SLCO5A1: variants seen among roughly 807,000 people sequenced by gnomAD.
The protein encoded by SLCO5A1 is solute carrier organic anion transporter family member 5A1, also known as organic anion transporter polypeptide-related protein 4.
Under a neutral mutation model 65.1 loss-of-function variants are expected in SLCO5A1, and 39 were observed. The observed-to-expected ratio is 0.60, with a 90% CI of 0.46 to 0.78. The LOEUF is 0.78. SLCO5A1 is among the 30% of genes least tolerant of loss of function. The pLI is 0.00. For missense variants in SLCO5A1, 1,029 were observed against 1,069.4 expected, an observed-to-expected ratio of 0.96 and a Z score of 0.53; for synonymous variants, 438 against 415.7, an observed-to-expected ratio of 1.05 and a Z score of -0.65.
chr8:69,762,481 C>T (rs919334199), intron 2 of SLCO5A1, among the ~76,000 whole-genome samples: 9 of 151,886 alleles, frequency 5.9e-5, no homozygotes, highest in African/African-American at 1.2e-4. Context: ...CCACAGCACC[C>T]GGCCCTGTTT....
intron 5 of SLCO5A1, among the ~76,000 whole-genome samples, chr8:69,737,324 C>T (rs948342278): frequency 6.6e-6 from 1 of 152,142 alleles, no homozygotes; most frequent in Admixed American, 6.6e-5. Context: ...CTGAAATATA[C>T]CTTATTAAAT....
chr8:69,685,794 C>A (rs1320300712), intron 6 of SLCO5A1, among the ~76,000 whole-genome samples: 1 of 152,094 alleles, frequency 6.6e-6, no homozygotes, highest in East Asian at 1.9e-4. Context: ...GGGGAGACAG[C>A]AAAAGAGAAA....
intron 8 of SLCO5A1, among the ~76,000 whole-genome samples, chr8:69,678,869 T>C (rs1813651532): frequency 6.6e-6 from 1 of 151,842 alleles, no homozygotes; most frequent in Non-Finnish European, 1.5e-5. Flanking sequence ...TGAAATTTTA[T>C]ATGATAGTAA....
chr8:69,808,740 C>T (rs1820112027), intron 2 of SLCO5A1, among the ~76,000 whole-genome samples: 1 of 152,120 alleles, frequency 6.6e-6, no homozygotes, highest in South Asian at 2.1e-4. Flanking sequence ...TAAAGAATCG[C>T]CATGATGTGT....
chr8:69,758,982 C>G (rs1817642641), intron 3 of SLCO5A1, among the ~76,000 whole-genome samples: 1 of 152,186 alleles, frequency 6.6e-6, no homozygotes, highest in Non-Finnish European at 1.5e-5. Flanking sequence ...ATTGAACTCC[C>G]TGAGCATCAA....
At chr8:69,807,901 C>T (rs1820069275) in intron 2 of SLCO5A1, among the ~76,000 whole-genome samples, 1 of 152,094 alleles carries the variant, frequency 6.6e-6, no homozygotes, top group South Asian at 2.1e-4. Context: ...GACGGGGTTT[C>T]ACCATGTTAG....
intron 9 of SLCO5A1, among the ~76,000 whole-genome samples, chr8:69,674,381 G>A (rs62512217): frequency 0.1 from 15,588 of 152,214 alleles, 1,049 homozygotes; most frequent in Non-Finnish European, 0.15. Flanking sequence ...AGAGAGGATA[G>A]GCAGGCTGAT....
chr8:69,831,760 GTC>G lies in SLCO5A1; in HGVS notation c.907+5_907+6del, dbSNP rs777272511. On this transcript the variant is annotated splice_donor_5th_base_variant and intron_variant, in intron 2 of 9. Transcript: ENST00000260126. ...GAAACATATCTGAGAGAACAGGAAA[GTC>G]TTACCTAGGTACAAGGAGGAGTTTT... 6.2e-7 allele frequency: 1 copy of G among 1,611,272 alleles called. No individual in the cohort carries two copies. The highest frequency in any genetic ancestry group is 2.2e-5 in the East Asian group (1 of 44,862).
At chr8:69,677,529 A>G (rs79309432) in intron 8 of SLCO5A1, among the ~76,000 whole-genome samples, 1,986 of 152,356 alleles carry the variant, frequency 0.013, 46 homozygotes, top group South Asian at 0.098. Context: ...AGTATGGTAT[A>G]TAATAGGAAC....
rs1216349078 is a variant in SLCO5A1 at position 69,726,515 on chromosome 8, G to GGT, written c.1423+11524_1423+11525insAC. Among the ~76,000 whole-genome samples, 7 of 85,990 alleles carry GGT rather than the reference G, an allele frequency of 8.1e-5. 1 individual carries two copies. The highest frequency in any genetic ancestry group is 4.8e-4 in the African/African-American group (7 of 14,490). 56.4% of individuals were successfully genotyped at this position (85,990 alleles called of 152,430 possible). ...TACCTCCTTTTTTTTTTTTTTTTTT[G>GGT]GGGGGACAGAGTCTCACTCTGTTGC... On this transcript the variant is annotated intron_variant, in intron 5 of 9. Coordinates refer to ENST00000260126, the MANE Select transcript of SLCO5A1 (RefSeq NM_030958.3).
chr8:69,821,702 G>A (rs1226970993), intron 2 of SLCO5A1, among the ~76,000 whole-genome samples: 1 of 151,632 alleles, frequency 6.6e-6, no homozygotes, highest in Non-Finnish European at 1.5e-5. Context: ...TACTCAGGGA[G>A]GCTAAGGTGG....
chr8:69,769,282 C>T (rs926385821), intron 2 of SLCO5A1, among the ~76,000 whole-genome samples: 2 of 151,760 alleles, frequency 1.3e-5, no homozygotes, highest in Non-Finnish European at 2.9e-5. Context: ...ACTACACACC[C>T]ATTCATCACT....
chr8:69,683,532 G>A (rs768129726), intron 6 of SLCO5A1, among the ~76,000 whole-genome samples: 6 of 150,942 alleles, frequency 4.0e-5, no homozygotes, highest in Non-Finnish European at 5.9e-5. Context: ...GTAATTTCTC[G>A]CCCCTCAACT....
At chr8:69,694,632 C>A (rs993190118) in intron 6 of SLCO5A1, among the ~76,000 whole-genome samples, 1 of 152,144 alleles carries the variant, frequency 6.6e-6, no homozygotes, top group Non-Finnish European at 1.5e-5. Context: ...TTTTTGTTCA[C>A]GCAAAGGTAT....
intron 2 of SLCO5A1, among the ~76,000 whole-genome samples, chr8:69,795,363 G>A (rs951113382): frequency 3.9e-5 from 6 of 152,158 alleles, no homozygotes; most frequent in Admixed American, 3.9e-4. Context: ...TACAAGAATT[G>A]GGTAAATACT....
At chr8:69,738,875 G>A (rs556950734) in intron 4 of SLCO5A1, among the ~76,000 whole-genome samples, 1 of 152,288 alleles carries the variant, frequency 6.6e-6, no homozygotes, top group South Asian at 2.1e-4. Context: ...CCTCACCCTT[G>A]AGTCTAGGCA....
intron 2 of SLCO5A1, among the ~76,000 whole-genome samples, chr8:69,826,549 A>G (rs1007911328): frequency 5.9e-5 from 9 of 152,190 alleles, no homozygotes; most frequent in African/African-American, 2.2e-4. Context: ...ATCACTGGCC[A>G]TCAGAGAAAT....
At chr8:69,813,073 C>G (rs544017930) in intron 2 of SLCO5A1, among the ~76,000 whole-genome samples, 1 of 152,236 alleles carries the variant, frequency 6.6e-6, no homozygotes, top group Admixed American at 6.5e-5. Context: ...TAAAGACATT[C>G]TGCAAATGAG....
intron 2 of SLCO5A1, among the ~76,000 whole-genome samples, chr8:69,804,066 C>T (rs1034324668): frequency 2.0e-5 from 3 of 152,202 alleles, no homozygotes; most frequent in Admixed American, 2.0e-4. Context: ...AGAATTCTAA[C>T]TATAGGAAAA....
Sources: allele counts gnomAD v4.1 joint callset (sites outside exome capture counted in the v4.1 genomes callset), GRCh38; gene constraint gnomAD v4.1.1; transcripts MANE v1.5; gene names NCBI Gene and HGNC (gene_info 2026-07-23, HGNC 2026-07-21).